P3H2: variants seen among roughly 807,000 people sequenced by gnomAD.
The protein encoded by P3H2 is prolyl 3-hydroxylase 2.
In P3H2, 80 loss-of-function variants were observed where a neutral mutation model predicts 87.0. The observed-to-expected ratio is 0.92, with a 90% CI of 0.77 to 1.11. The LOEUF is 1.11. Ranked by LOEUF, P3H2 falls within the 50% of genes least tolerant of loss-of-function variation. P3H2 has a pLI of 0.00. For missense variants in P3H2, 1,001 were observed against 923.9 expected (o/e 1.08, Z -1.08); for synonymous variants, 367 against 359.3 (o/e 1.02, Z -0.24).
At position 189,963,973 on chromosome 3, in the gene P3H2, T is replaced by C; in HGVS notation, c.2019A>G (p.Pro673=). ...CAVALWFTLD[P]LYRELERIQA... is the part of the protein sequence containing the mutation. ...AGAAACTCACCAATTCTCTATAAAGTGGGTCCAAGGTGAACCACAGAGCCA... is the reference window on the plus strand; with the variant it reads ...AGAAACTCACCAATTCTCTATAAAGCGGGTCCAAGGTGAACCACAGAGCCA... Residue 673 remains proline, a synonymous_variant, in exon 14 of 15, where the codon CCA becomes CCG. Transcript: ENST00000319332. 1 of 1,614,188 alleles carries C rather than the reference T, an allele frequency of 6.2e-7. No individual in the cohort carries two copies. The highest frequency in any genetic ancestry group is 8.5e-7 in the Non-Finnish European group (1 of 1,180,024).
chr3:189,964,071 T>G lies in P3H2; in HGVS notation c.1921A>C (p.Met641Leu), dbSNP rs1263758487. The G allele has an allele frequency of 1.9e-6, 3 of 1,614,052 alleles. No individual in the cohort carries two copies. Among genetic ancestry groups the G allele is most frequent in the Admixed American group, 3.3e-5 (2 of 60,000 alleles). ...TASIKPKCGRMISFSSGGENP... is the reference protein window; with the variant it reads ...TASIKPKCGRLISFSSGGENP... Reference sequence around the variant, plus strand: ...TCTCCTCCAGATGAGAAGCTGATCATGCGCCCACATTTTGGTTTTATAGAG... The same window carrying G: ...TCTCCTCCAGATGAGAAGCTGATCAGGCGCCCACATTTTGGTTTTATAGAG... Residue 641 changes from methionine to leucine, a missense_variant, in exon 14 of 15, where the codon ATG becomes CTG. Transcript: ENST00000319332.
At position 190,070,140 on chromosome 3, in the gene P3H2, G is replaced by C. The variant is rs183957686; in HGVS notation, c.480+50112C>G. ...TTCCAAGCATGAAGTCCTTATGAAG[G>C]CTAGCGGAAATAGGTCAGATCCAGG... On this transcript the variant is annotated intron_variant, in intron 1 of 14. Transcript: ENST00000319332. 1.5e-3 allele frequency among the ~76,000 whole-genome samples: 234 copies of C among 152,230 alleles called. 6 individuals are homozygous for C. In the South Asian group the frequency reaches 0.03, roughly 19 times the overall value.
chr3:189,988,001 G>C (rs756561333), intron 4 of P3H2, among the ~76,000 whole-genome samples: 8 of 152,176 alleles, frequency 5.3e-5, no homozygotes, highest in Non-Finnish European at 1.2e-4. Context: ...TTTGTACCGA[G>C]TTTGGGTTAA....
At chr3:190,052,538 GCTTAGCACTGTTCTCCATGAAGT>G (rs1431456068) in intron 1 of P3H2, among the ~76,000 whole-genome samples, 2 of 107,804 alleles carry the variant, frequency 1.9e-5, no homozygotes, top group Non-Finnish European at 4.9e-5. Context: ...CTTTCTCCAT[GCTTAGCACTGTTCTCCATGAAGT>G]AAGTAATATT....
In P3H2 at chr3:189,957,330, G is replaced by C. The variant is rs1442549843; in HGVS notation, c.*582C>G. 1 of 401,468 alleles carries C rather than the reference G, an allele frequency of 2.5e-6. No homozygotes were observed. The allele number at this position is 401,468 out of a possible 1,614,324, so 24.9% of individuals were successfully genotyped here. Reference sequence around the variant, plus strand: ...GCTGAAAGGCACAGAGCAAGAAAGGGCTTCAGAGACCAGGCACAGGTTAAT... The same window carrying C: ...GCTGAAAGGCACAGAGCAAGAAAGGCCTTCAGAGACCAGGCACAGGTTAAT... On this transcript the variant is annotated 3_prime_UTR_variant, in exon 15 of 15. Transcript: ENST00000319332.
At chr3:189,996,337 G>A (rs1001566001) in intron 1 of P3H2, among the ~76,000 whole-genome samples, 1 of 152,204 alleles carries the variant, frequency 6.6e-6, no homozygotes, top group African/African-American at 2.4e-5. Flanking sequence ...AGGATATTAT[G>A]TTAAGTGAAA....
At chr3:189,966,184 A>AAAGG (rs1553871257) in intron 13 of P3H2, among the ~76,000 whole-genome samples, 5 of 136,638 alleles carry the variant, frequency 3.7e-5, no homozygotes, top group African/African-American at 1.3e-4. Context: ...AGAAAGAAAG[A>AAAGG]AAGAAAGAAA....
At chr3:189,986,326 T>C (rs1238429284) in intron 6 of P3H2, among the ~76,000 whole-genome samples, 2 of 152,230 alleles carry the variant, frequency 1.3e-5, no homozygotes, top group Non-Finnish European at 2.9e-5. Context: ...GGCTCAAGCC[T>C]GTAATCCCAG....
At chr3:190,007,436 T>C (rs1327550505) in intron 1 of P3H2, among the ~76,000 whole-genome samples, 1 of 152,076 alleles carries the variant, frequency 6.6e-6, no homozygotes, top group African/African-American at 2.4e-5. Flanking sequence ...TTGAGCTAGT[T>C]TGTGTTTGAT....
chr3:190,040,166 A>C (rs538186430), intron 1 of P3H2, among the ~76,000 whole-genome samples: 13 of 152,184 alleles, frequency 8.5e-5, no homozygotes, highest in Admixed American at 2.0e-4. Context: ...ACTTTTATCA[A>C]ATGATATCCA....
intron 1 of P3H2, among the ~76,000 whole-genome samples, chr3:190,003,101 G>A (rs75496884): frequency 0.024 from 3,611 of 152,332 alleles, 157 homozygotes; most frequent in African/African-American, 0.083. Context: ...TGACGTTTCT[G>A]AAGAGTAATA....
Position 189,994,161 on chromosome 3 carries a change from C to T in P3H2, c.756G>A (p.Glu252=). The T allele has an allele frequency of 3.1e-6, 5 of 1,613,828 alleles. No homozygotes were observed. The highest frequency in any genetic ancestry group is 4.2e-6 in the Non-Finnish European group (5 of 1,179,860). ...CATATTCTTCAAATCTCTGAGGCCCCTCACATAGGGTCCGGCATTCTGTAT... is the reference window on the plus strand; with the variant it reads ...CATATTCTTCAAATCTCTGAGGCCCTTCACATAGGGTCCGGCATTCTGTAT... ...VEDTECRTLC[E]GPQRFEEYEY... is the part of the protein sequence containing the mutation. The change falls in exon 3 of 15, where the codon GAG becomes GAA. Residue 252 remains glutamate (E), a synonymous_variant. Coordinates refer to ENST00000319332, the MANE Select transcript of P3H2 (RefSeq NM_018192.4).
chr3:189,988,969 A>G lies in P3H2; in HGVS notation c.893T>C (p.Leu298Pro). The change falls in exon 4 of 15, where the codon CTC (leucine) becomes CCC (proline). Residue 298 changes from leucine to proline, a missense_variant. Leu to Pro is a moderately conservative substitution (Grantham distance 98). Transcript: ENST00000319332. ...AGGAAGAAAATTCTCGATGGGAGAG[A>G]GGCGGCCAGGGCGGGTGGCAAGTTC... ...VRELATRPGR[L>P]SPIENFLPLH... 1 of 1,614,152 alleles carries G rather than the reference A, an allele frequency of 6.2e-7. No individual in the cohort carries two copies. Among genetic ancestry groups the G allele is most frequent in the South Asian group, 1.1e-5 (1 of 91,072 alleles).
At chr3:190,120,162 T>G in intron 1 of P3H2, 90 bp downstream of exon 1, 1 of 1,466,952 alleles carries the variant, frequency 6.8e-7, no homozygotes, top group Non-Finnish European at 9.3e-7. Context: ...TTCGAAAGAC[T>G]GAACAGAGAT....
chr3:190,045,269 T>G (rs1360829297), intron 1 of P3H2, among the ~76,000 whole-genome samples: 1 of 152,246 alleles, frequency 6.6e-6, no homozygotes, highest in Non-Finnish European at 1.5e-5. Flanking sequence ...GGATTTATTT[T>G]GCAATGATGA....
intron 13 of P3H2, among the ~76,000 whole-genome samples, chr3:189,970,473 A>G (rs1181321319): frequency 6.6e-6 from 1 of 151,636 alleles, no homozygotes. Flanking sequence ...GACTTATTCT[A>G]GACTTGGGTG....
In P3H2 at chr3:190,109,146, C is replaced by G. The variant is rs531488951; in HGVS notation, c.480+11106G>C. On this transcript the variant is annotated intron_variant, in intron 1 of 14. Coordinates refer to ENST00000319332, the MANE Select transcript of P3H2 (RefSeq NM_018192.4). ...TCAGAGTGGGAAACATCCTACTTTT[C>G]TTTCGTGAGACTCTTTTCATGCCTG... 8.5e-4 allele frequency among the ~76,000 whole-genome samples: 129 copies of G among 152,190 alleles called. 1 individual carries two copies. Among genetic ancestry groups the G allele is most frequent in the Admixed American group, 8.0e-3 (123 of 15,282 alleles).
intron 1 of P3H2, among the ~76,000 whole-genome samples, chr3:190,098,500 C>T (rs1194793787): frequency 6.6e-6 from 1 of 152,132 alleles, no homozygotes; most frequent in African/African-American, 2.4e-5. Flanking sequence ...AATGATAGCA[C>T]CAATAACAAT....
chr3:190,062,724 G>A (rs987137706), intron 1 of P3H2, among the ~76,000 whole-genome samples: 2 of 151,994 alleles, frequency 1.3e-5, no homozygotes, highest in Non-Finnish European at 2.9e-5. Flanking sequence ...TCTGTGGCTT[G>A]GTTTTATCTT....
Sources: gnomAD v4.1 joint callset for allele counts (sites outside exome capture counted in the v4.1 genomes callset) on GRCh38, gnomAD v4.1.1 for gene constraint, MANE v1.5 for transcripts, NCBI Gene and HGNC (gene_info 2026-07-23, HGNC 2026-07-21) for gene names.